Variants in CAMTA1 observed in about 807,000 individuals in gnomAD.
CAMTA1 encodes the protein calmodulin binding transcription activator 1, also known as calmodulin-binding transcription activator 1.
A neutral mutation model predicts 170.9 loss-of-function variants in CAMTA1; 27 were observed. That is an observed-to-expected ratio of 0.16 (90% CI 0.12 to 0.22). The LOEUF (loss-of-function observed/expected upper bound fraction) is 0.22, where lower values mean the gene tolerates loss of function less well. CAMTA1 is among the 10% of genes least tolerant of loss of function. The pLI is 1.00. For synonymous variants in CAMTA1, 833 were observed against 891.5 expected, an observed-to-expected ratio of 0.93 and a Z score of 1.17; for missense variants, 1,619 against 2,217.2, an observed-to-expected ratio of 0.73 and a Z score of 5.42.
chr1:7,636,811 A>G (rs562387639), intron 6 of CAMTA1, among the ~76,000 whole-genome samples: 1 of 152,294 alleles, frequency 6.6e-6, no homozygotes, highest in South Asian at 2.1e-4. Context: ...GCAGGAGGTC[A>G]GAATTCAGCC....
chr1:7,367,224 T>G (rs1320284389), intron 5 of CAMTA1, among the ~76,000 whole-genome samples: 1 of 152,122 alleles, frequency 6.6e-6, no homozygotes, highest in Non-Finnish European at 1.5e-5. Context: ...CCAGCTCTCT[T>G]CTCCTCAGAG....
chr1:7,751,139 G>A, intron 19 of CAMTA1, 60 bp from the exon 20 acceptor site: 1 of 1,331,740 alleles, frequency 7.5e-7, no homozygotes. Flanking sequence ...AAGCTCGAAG[G>A]ACGCTGAGCC....
intron 5 of CAMTA1, among the ~76,000 whole-genome samples, chr1:7,298,298 G>A (rs535945353): frequency 4.1e-4 from 59 of 145,666 alleles, no homozygotes; most frequent in Non-Finnish European, 7.2e-4. Flanking sequence ...TGTCATTTTA[G>A]CCTTCTCCAG....
In CAMTA1 at chr1:7,741,851, A is replaced by G. The variant is rs111384012; in HGVS notation, c.4183-2984A>G. 1.0e-3 allele frequency among the ~76,000 whole-genome samples: 152 copies of G among 150,596 alleles called. 1 individual carries two copies. Among genetic ancestry groups the G allele is most frequent in the African/African-American group, 3.2e-3 (132 of 41,032 alleles). On this transcript the variant is annotated intron_variant, in intron 16 of 22. Coordinates refer to ENST00000303635, the MANE Select transcript of CAMTA1 (RefSeq NM_015215.4). ...TGGAGGTTTTGCTGTGTTAGCCAGG[A>G]TGGTCTCGATCTCCTGACCTTGTGA... is the stretch of plus-strand genomic sequence containing the variant.
chr1:6,868,853 T>TA (rs1262139202), intron 3 of CAMTA1, among the ~76,000 whole-genome samples: 1 of 152,194 alleles, frequency 6.6e-6, no homozygotes, highest in African/African-American at 2.4e-5. Flanking sequence ...AACTCACAGA[T>TA]AGGGCAGTGT....
chr1:7,744,188 G>A (rs1284191619), intron 16 of CAMTA1, among the ~76,000 whole-genome samples: 23 of 147,580 alleles, frequency 1.6e-4, no homozygotes, highest in Admixed American at 1.1e-3. Flanking sequence ...CTGGAGTGCA[G>A]TGGCGCGATC....
At chr1:7,564,146 C>G (rs2095001392) in intron 6 of CAMTA1, among the ~76,000 whole-genome samples, 1 of 152,214 alleles carries the variant, frequency 6.6e-6, no homozygotes. Context: ...GACCCCATGT[C>G]CCCTCCTGGG....
intron 5 of CAMTA1, among the ~76,000 whole-genome samples, chr1:7,370,624 C>T (rs1457513957): frequency 3.9e-5 from 6 of 152,230 alleles, no homozygotes; most frequent in African/African-American, 9.6e-5. Context: ...ATTAATATAT[C>T]GCTAAGTGAG....
rs139641033 is a variant in CAMTA1 at position 7,185,467 on chromosome 1, C to T, written c.303-64024C>T. ...ACTGGTCAGAGCTGTAATAATTGAG[C>T]GTCAAAATTAATATAAATAAGTGAA... is the stretch of plus-strand genomic sequence containing the variant. On this transcript the variant is annotated intron_variant, in intron 4 of 22. Coordinates refer to ENST00000303635, the MANE Select transcript of CAMTA1 (RefSeq NM_015215.4). 1.3e-3 allele frequency among the ~76,000 whole-genome samples: 193 copies of T among 151,998 alleles called. 1 individual carries two copies. Among genetic ancestry groups the T allele is most frequent in the African/African-American group, 4.3e-3 (177 of 41,456 alleles).
chr1:7,321,907 G>A (rs1413848578), intron 5 of CAMTA1, among the ~76,000 whole-genome samples: 1 of 152,126 alleles, frequency 6.6e-6, no homozygotes, highest in Non-Finnish European at 1.5e-5. Context: ...CGTAACCCTA[G>A]GCCCAATAGT....
At chr1:7,478,227 T>C (rs2093453913) in intron 6 of CAMTA1, among the ~76,000 whole-genome samples, 1 of 152,182 alleles carries the variant, frequency 6.6e-6, no homozygotes. Flanking sequence ...GAGAAGGTCC[T>C]ATCCAACCCA....
intron 3 of CAMTA1, among the ~76,000 whole-genome samples, chr1:6,870,406 G>C (rs1007040623): frequency 6.6e-6 from 1 of 152,024 alleles, no homozygotes; most frequent in South Asian, 2.1e-4. Flanking sequence ...CACTCGGACC[G>C]AGTGCATGAG....
intron 4 of CAMTA1, chr1:7,142,010 C>T: frequency 2.1e-6 from 1 of 481,132 alleles, no homozygotes. Context: ...TTCCTGATGT[C>T]TTGGCTGCTC....
rs1005440186 is a variant in CAMTA1, at chr1:7,426,797, T to C, written c.439-41033T>C. Reference sequence around the variant, plus strand: ...TGCAGCATATTAGCTTGCACGTGACTTAAAAATAATGGCTTTCGTAGAATT... The same window carrying C: ...TGCAGCATATTAGCTTGCACGTGACCTAAAAATAATGGCTTTCGTAGAATT... On this transcript the variant is annotated intron_variant, in intron 5 of 22. Transcript: ENST00000303635. The surrounding 1 kb of genome is among the most constrained non-coding windows in gnomAD (Gnocchi z 4.8). Among the ~76,000 whole-genome samples the C allele has an allele frequency of 2.1e-4, 32 of 152,312 alleles. No homozygotes were observed. The highest frequency in any genetic ancestry group is 7.5e-4 in the African/African-American group (31 of 41,564).
chr1:7,149,404 C>G (rs1017746481), intron 4 of CAMTA1, among the ~76,000 whole-genome samples: 3 of 152,216 alleles, frequency 2.0e-5, no homozygotes, highest in African/African-American at 7.2e-5. Context: ...TTCTGCCCCT[C>G]TGCTGCCATC....
At chr1:7,412,622 T>G (rs2090863100) in intron 5 of CAMTA1, among the ~76,000 whole-genome samples, 1 of 152,184 alleles carries the variant, frequency 6.6e-6, no homozygotes, top group Non-Finnish European at 1.5e-5. Flanking sequence ...TTCTTGTAAA[T>G]TTGTTTGAGT....
chr1:7,514,135 G>A (rs192416787), intron 6 of CAMTA1, among the ~76,000 whole-genome samples: 53 of 152,334 alleles, frequency 3.5e-4, no homozygotes, highest in Non-Finnish European at 6.5e-4. Flanking sequence ...CAACATCCAA[G>A]GAAGAAGGAC....
At chr1:7,429,681 T>C (rs1296948006) in intron 5 of CAMTA1, among the ~76,000 whole-genome samples, 4 of 152,102 alleles carry the variant, frequency 2.6e-5, no homozygotes, top group Non-Finnish European at 5.9e-5. Context: ...ATGAAAGTGA[T>C]GATGGTATGT....
At chr1:7,498,488 TGA>T (rs912967395) in intron 6 of CAMTA1, among the ~76,000 whole-genome samples, 4 of 148,908 alleles carry the variant, frequency 2.7e-5, no homozygotes, top group Admixed American at 2.0e-4. Context: ...TGAGCATGTA[TGA>T]GAGTGAGTGT....
Sources: allele counts gnomAD v4.1 joint callset (sites outside exome capture counted in the v4.1 genomes callset), GRCh38; gene constraint gnomAD v4.1.1; non-coding constraint Gnocchi (gnomAD v3.1); transcripts MANE v1.5; gene names NCBI Gene and HGNC (gene_info 2026-07-23, HGNC 2026-07-21).